The following HOMER1 variants were observed in gnomAD, a reference collection of about 807,000 sequenced individuals.
HOMER1 encodes the protein homer scaffold protein 1, also known as homer protein homolog 1.
HOMER1 carries 3 observed loss-of-function variants against 48.9 expected under a neutral mutation model. That is an observed-to-expected ratio of 0.06 (90% CI 0.03 to 0.16). The LOEUF (loss-of-function observed/expected upper bound fraction) is 0.16. HOMER1 is among the 10% of genes least tolerant of loss of function. HOMER1 has a pLI of 1.00. For missense variants in HOMER1, 247 were observed against 411.4 expected, an observed-to-expected ratio of 0.60 and a Z score of 3.46; for synonymous variants, 134 against 146.4, an observed-to-expected ratio of 0.92 and a Z score of 0.61.
At chr5:79,494,774 C>T (rs1489401474) in intron 1 of HOMER1, among the ~76,000 whole-genome samples, 2 of 152,158 alleles carry the variant, frequency 1.3e-5, no homozygotes, top group Non-Finnish European at 2.9e-5. Flanking sequence ...GAGGCTGAGG[C>T]GGAAGAATCG....
At chr5:79,464,458 C>A (rs1364848519) in intron 1 of HOMER1, among the ~76,000 whole-genome samples, 1 of 152,158 alleles carries the variant, frequency 6.6e-6, no homozygotes, top group Non-Finnish European at 1.5e-5. Flanking sequence ...CAGGAATAGA[C>A]GGACACTAAT....
At chr5:79,387,069 T>TTCTTTC (rs1749133799) in intron 8 of HOMER1, among the ~76,000 whole-genome samples, 1 of 132,266 alleles carries the variant, frequency 7.6e-6, no homozygotes, top group Admixed American at 7.6e-5. Flanking sequence ...TTTCCTTTCT[T>TTCTTTC]TCTCTATCTC....
intron 1 of HOMER1, among the ~76,000 whole-genome samples, chr5:79,502,484 C>CA (rs1296677694): frequency 6.6e-6 from 1 of 152,044 alleles, no homozygotes; most frequent in Non-Finnish European, 1.5e-5. Flanking sequence ...GACTAAAAAA[C>CA]AAAATTTTAC....
At chr5:79,491,541 T>C (rs972752554) in intron 1 of HOMER1, among the ~76,000 whole-genome samples, 8 of 152,058 alleles carry the variant, frequency 5.3e-5, no homozygotes, top group Admixed American at 5.3e-4. Context: ...TTTCTTTATG[T>C]TGAAAATCAG....
chr5:79,418,466 C>A (rs1165917545), intron 5 of HOMER1, among the ~76,000 whole-genome samples: 3 of 150,180 alleles, frequency 2.0e-5, no homozygotes, highest in Non-Finnish European at 4.4e-5. Context: ...AGAAAAACAA[C>A]ACGACAGAAA....
chr5:79,382,207 G>A lies in HOMER1; in HGVS notation c.877-6010C>T, dbSNP rs150116974. On this transcript the variant is annotated intron_variant, in intron 8 of 8. Coordinates refer to ENST00000334082, the MANE Select transcript of HOMER1 (RefSeq NM_004272.5). ...AAATATGCAAATTATCAGGGTTCCC[G>A]GAGGTGAAGAGAGAGCAAAAGGGTA... is the stretch of plus-strand genomic sequence containing the variant. Among the ~76,000 whole-genome samples the A allele has an allele frequency of 5.0e-3, 763 of 152,216 alleles. 5 individuals are homozygous for A. Among genetic ancestry groups the A allele is most frequent in the South Asian group, 6.0e-3 (29 of 4,828 alleles).
chr5:79,468,427 T>A (rs1455994394), intron 1 of HOMER1, among the ~76,000 whole-genome samples: 1 of 152,200 alleles, frequency 6.6e-6, no homozygotes, highest in Non-Finnish European at 1.5e-5. Flanking sequence ...ATGTAATGTA[T>A]CTCCATGACT....
At chr5:79,427,674 C>G (rs368347692) in intron 5 of HOMER1, among the ~76,000 whole-genome samples, 1 of 89,954 alleles carries the variant, frequency 1.1e-5, no homozygotes, top group East Asian at 4.6e-4. Flanking sequence ...CTTTCCTTCC[C>G]TTCCTTCCTT....
intron 5 of HOMER1, among the ~76,000 whole-genome samples, chr5:79,436,198 T>C (rs1237259227): frequency 3.3e-5 from 5 of 152,054 alleles, no homozygotes; most frequent in South Asian, 2.1e-4. Context: ...TTGTGTTCCT[T>C]TGTGATGGGA....
intron 1 of HOMER1, among the ~76,000 whole-genome samples, chr5:79,483,978 A>G (rs1219782605): frequency 6.7e-5 from 10 of 148,770 alleles, no homozygotes; most frequent in East Asian, 2.0e-4. Flanking sequence ...CCTGGGAGGC[A>G]GAGGTTGCAA....
intron 7 of HOMER1, 126 bp from the exon 8 acceptor site, chr5:79,397,029 G>C (rs746744743): frequency 1.7e-6 from 1 of 580,284 alleles, no homozygotes; most frequent in Non-Finnish European, 3.0e-6. Flanking sequence ...CCTTCATATT[G>C]ACTTTTAGAG....
intron 8 of HOMER1, among the ~76,000 whole-genome samples, chr5:79,380,936 T>C (rs1748953290): frequency 6.6e-6 from 1 of 151,906 alleles, no homozygotes; most frequent in African/African-American, 2.4e-5. Context: ...CAGAGGATTG[T>C]CCCACCACTG....
chr5:79,476,488 T>C (rs894634523), intron 1 of HOMER1, among the ~76,000 whole-genome samples: 3 of 152,174 alleles, frequency 2.0e-5, no homozygotes, highest in African/African-American at 7.2e-5. Flanking sequence ...TAGACACCCG[T>C]TGCCAGTCTG....
chr5:79,466,835 A>G (rs1751478321), intron 1 of HOMER1, among the ~76,000 whole-genome samples: 1 of 151,966 alleles, frequency 6.6e-6, no homozygotes, highest in Non-Finnish European at 1.5e-5. Flanking sequence ...CTCTGTCACC[A>G]AGCTGGAGTG....
At chr5:79,504,410 C>CAAAAAAAAAAAAAAAGA (rs11285306) in intron 1 of HOMER1, among the ~76,000 whole-genome samples, 1 of 123,540 alleles carries the variant, frequency 8.1e-6, no homozygotes. Context: ...AAAGAATAAG[C>CAAAAAAAAAAAAAAAGA]AAAAAAAAAA....
intron 2 of HOMER1, among the ~76,000 whole-genome samples, chr5:79,455,963 T>A (rs1751164661): frequency 6.6e-6 from 1 of 152,052 alleles, no homozygotes; most frequent in South Asian, 2.1e-4. Flanking sequence ...AAGACCAGCC[T>A]GGCCAACATG....
At chr5:79,464,023 C>T (rs1332657245) in intron 1 of HOMER1, among the ~76,000 whole-genome samples, 1 of 152,172 alleles carries the variant, frequency 6.6e-6, no homozygotes, top group Admixed American at 6.5e-5. Flanking sequence ...TCAATTACTT[C>T]GCTTTCTTAT....
intron 5 of HOMER1, among the ~76,000 whole-genome samples, chr5:79,408,250 G>C (rs1749719117): frequency 6.6e-6 from 1 of 152,188 alleles, no homozygotes; most frequent in Admixed American, 6.5e-5. Context: ...AGACAGTGGA[G>C]TGACAGTGTT....
At chr5:79,497,760 G>C (rs948897473) in intron 1 of HOMER1, among the ~76,000 whole-genome samples, 1 of 151,718 alleles carries the variant, frequency 6.6e-6, no homozygotes, top group Non-Finnish European at 1.5e-5. Context: ...CAGCAAGCAA[G>C]CAAGCATGCT....
Sources: allele counts gnomAD v4.1 joint callset (sites outside exome capture counted in the v4.1 genomes callset), GRCh38; gene constraint gnomAD v4.1.1; transcripts MANE v1.5; gene names NCBI Gene and HGNC (gene_info 2026-07-23, HGNC 2026-07-21).